PTPRF: variants seen among roughly 807,000 people sequenced by gnomAD.
PTPRF encodes protein tyrosine phosphatase receptor type F, also known as receptor-type tyrosine-protein phosphatase F.
In PTPRF, 59 loss-of-function variants were observed where a neutral mutation model predicts 201.8. The observed-to-expected ratio is 0.29, with a 90% confidence interval of 0.24 to 0.36. PTPRF has a LOEUF of 0.36. Ranked by LOEUF, PTPRF falls within the 10% of genes least tolerant of loss-of-function variation. PTPRF has a pLI of 1.00. For synonymous variants in PTPRF, 1,088 were observed against 1,089.7 expected (o/e 1.00, Z 0.03); for missense variants, 2,132 against 2,690.5 (o/e 0.79, Z 4.59).
At chr1:43,576,017 C>T in intron 6 of PTPRF, 5 of 1,238,012 alleles carry the variant, frequency 4.0e-6, no homozygotes, top group Non-Finnish European at 4.3e-6. Flanking sequence ...ACCTCCCCAT[C>T]CCCATCCCAA....
Position 43,609,312 on chromosome 1 carries a change from C to T in PTPRF, c.3858-71C>T, listed in dbSNP as rs180701935. ...CGTGGACATGGGGGCTCCTTGGCAG[C>T]CAGCCATGCCATGTGTCACTGTCTC... On this transcript the variant is annotated intron_variant, in intron 21 of 33. Coordinates refer to ENST00000359947, the MANE Select transcript of PTPRF (RefSeq NM_002840.5). 63 of 1,278,326 alleles carry T rather than the reference C, an allele frequency of 4.9e-5. No individual in the cohort carries two copies. In the African/African-American group the frequency reaches 8.6e-4, roughly 18 times the overall value. The allele number at this position is 1,278,326 out of a possible 1,614,324, so 79.2% of individuals were successfully genotyped here. A position where few individuals can be genotyped will look rare whatever the true frequency, so the allele number is the denominator to read the frequency against.
chr1:43,579,037 T>C, intron 7 of PTPRF, 117 bp downstream of exon 7: 1 of 905,458 alleles, frequency 1.1e-6, no homozygotes, highest in Admixed American at 2.0e-5. Flanking sequence ...GCCCAGTCTC[T>C]TCTCCTTCCT....
At position 43,617,786 on chromosome 1, in the gene PTPRF, A is replaced by G. The variant is rs1431134339; in HGVS notation, c.4246A>G (p.Lys1416Glu). The G allele has an allele frequency of 1.2e-6, 2 of 1,613,982 alleles. No homozygotes were observed. Among genetic ancestry groups the G allele is most frequent in the Non-Finnish European group, 1.7e-6 (2 of 1,180,016 alleles). Residue 1416 changes from lysine to glutamate, a missense_variant, in exon 25 of 34, where the codon AAG becomes GAG. Lys to Glu is a moderately conservative substitution (Grantham distance 56, BLOSUM62 1). Transcript: ENST00000359947. ...TGCCAACTACATCGATGGCTACCGC[A>G]AGCAGAATGCCTACATCGCCACGCA... is the stretch of plus-strand genomic sequence containing the variant. ...INANYIDGYR[K>E]QNAYIATQGP...
chr1:43,597,078 C>T (rs1158806951), intron 11 of PTPRF, among the ~76,000 whole-genome samples: 5 of 150,516 alleles, frequency 3.3e-5, no homozygotes, highest in Non-Finnish European at 7.4e-5. Context: ...TGTGAGACAC[C>T]ATGAGAGACT....
chr1:43,548,327 GGGGTGGGTGGC>G (rs1248539057), intron 3 of PTPRF, among the ~76,000 whole-genome samples: 2 of 152,122 alleles, frequency 1.3e-5, no homozygotes, highest in East Asian at 1.9e-4. Context: ...GCTGGCTGGA[GGGGTGGGTGGC>G]GGGTGGGTTG....
chr1:43,621,967 GGA>G lies in PTPRF; in HGVS notation c.5690_5691del (p.Glu1897ValfsTer6). 1 of 1,614,146 alleles carries G rather than the reference GGA, an allele frequency of 6.2e-7. No homozygotes were observed. The highest frequency in any genetic ancestry group is 8.5e-7 in the Non-Finnish European group (1 of 1,180,020). On this transcript the variant is annotated frameshift_variant, in exon 34 of 34. Transcript: ENST00000359947. LOFTEE classifies it high-confidence loss of function. Reference sequence around the variant, plus strand: ...ATCAGCTGTGCTACCGTGCGGCCCTGGAGTACCTCGGCAGCTTTGACCACTAT... The same window carrying G: ...ATCAGCTGTGCTACCGTGCGGCCCTGGTACCTCGGCAGCTTTGACCACTAT... Reference protein sequence around the residue: ...QYQLCYRAALEYLGSFDHYAT With the variant: ...QYQLCYRAALXYLGSFDHYAT
chr1:43,547,026 A>T (rs1218980005), intron 3 of PTPRF, among the ~76,000 whole-genome samples: 2 of 152,132 alleles, frequency 1.3e-5, no homozygotes, highest in African/African-American at 4.8e-5. Flanking sequence ...CTGCATTCCA[A>T]AGGTAGAGTC....
upstream of PTPRF, among the ~76,000 whole-genome samples, chr1:43,526,596 A>G (rs2153942780): frequency 6.6e-6 from 1 of 152,208 alleles, no homozygotes; most frequent in Non-Finnish European, 1.5e-5. Flanking sequence ...TGGGGAATTG[A>G]TGCTTTGGCA....
rs1047733979 is a variant in PTPRF at position 43,580,166 on chromosome 1, G to A, written c.679+1246G>A. On this transcript the variant is annotated intron_variant, in intron 7 of 33. Transcript: ENST00000359947. Reference sequence around the variant, plus strand: ...TTCCATCACGCCAAGTGCTTAGCGCGGCTTCCTGAGGGGTGTCGTCTGACT... The same window carrying A: ...TTCCATCACGCCAAGTGCTTAGCGCAGCTTCCTGAGGGGTGTCGTCTGACT... 6 of 152,098 alleles carry A rather than the reference G, an allele frequency of 3.9e-5. No homozygotes were observed. The East Asian group carries it at 5.8e-4, about 15-fold the overall frequency. The allele number at this position is 152,098 out of a possible 1,614,324, so 9.4% of individuals were successfully genotyped here. A position where few individuals can be genotyped will look rare whatever the true frequency, so the allele number is the denominator to read the frequency against.
chr1:43,595,677 T>C (rs1173109745), intron 11 of PTPRF, among the ~76,000 whole-genome samples: 1 of 152,084 alleles, frequency 6.6e-6, no homozygotes, highest in Non-Finnish European at 1.5e-5. Flanking sequence ...GAGCTTAGCC[T>C]TGGACAGGGT....
At position 43,620,558 on chromosome 1, in the gene PTPRF, G is replaced by C; in HGVS notation, c.5343G>C (p.Glu1781Asp). The C allele has an allele frequency of 6.2e-7, 1 of 1,614,146 alleles. No homozygotes were observed. Among genetic ancestry groups the C allele is most frequent in the Non-Finnish European group, 8.5e-7 (1 of 1,179,982 alleles). The change falls in exon 31 of 34, where the codon GAG (glutamate) becomes GAC (aspartate). Residue 1781 changes from glutamate to aspartate, a missense_variant. By Grantham distance (45) the Glu-to-Asp change is conservative. Around this residue, in one of 6 missense-constraint regions of PTPRF, gnomAD observed 519 missense variants for 659.5 expected, o/e 0.79. Transcript: ENST00000359947. The stretch of plus-strand genomic sequence containing the variant: ...ACATGCCCCAGTATATCCTGCGTGA[G>C]TTCAAGGTCACGGATGCCCGGGTGA... The part of the protein sequence containing the change: ...EYNMPQYILR[E>D]FKVTDARDGQ...
At chr1:43,528,800 A>G (rs1448042307), upstream of PTPRF, 1 of 152,172 alleles carries the variant, frequency 6.6e-6, no homozygotes, top group Non-Finnish European at 1.5e-5. Flanking sequence ...GCTCTTAGTT[A>G]TATGGATCTG....
intron 6 of PTPRF, among the ~76,000 whole-genome samples, chr1:43,576,889 G>A (rs1412509892): frequency 1.3e-5 from 2 of 152,180 alleles, no homozygotes; most frequent in African/African-American, 4.8e-5. Context: ...GCCTTCCTGG[G>A]TGCTATCTTG....
chr1:43,561,023 G>C (rs1363747438), intron 5 of PTPRF, among the ~76,000 whole-genome samples: 2 of 152,170 alleles, frequency 1.3e-5, no homozygotes, highest in African/African-American at 2.4e-5. Context: ...TGACCAGGGT[G>C]GGGGCTAATC....
At chr1:43,582,980 G>A in intron 7 of PTPRF, 1 of 809,106 alleles carries the variant, frequency 1.2e-6, no homozygotes. Context: ...GGCAGATGAA[G>A]GTTGGCCTGT....
chr1:43,588,461 T>G lies in PTPRF; in HGVS notation c.680-270T>G, dbSNP rs1570362691. Among the ~76,000 whole-genome samples, 1 of 152,160 alleles carries G rather than the reference T, an allele frequency of 6.6e-6. No individual in the cohort carries two copies. The highest frequency in any genetic ancestry group is 1.9e-4 in the East Asian group (1 of 5,174). On this transcript the variant is annotated intron_variant, in intron 7 of 33. Coordinates refer to ENST00000359947, the MANE Select transcript of PTPRF (RefSeq NM_002840.5). The surrounding 1 kb of genome is among the most constrained non-coding windows in gnomAD (Gnocchi z 5.3). ...ACCTTCCTGACAGGCCTCAGTTTCC[T>G]AGGCTATAAAATGGGAGCTTGGTTG...
rs756740578 is a variant in PTPRF, at chr1:43,618,623, C to T, written c.4372-7C>T. The T allele has an allele frequency of 7.0e-5, 112 of 1,591,994 alleles. 1 individual carries two copies. In the Admixed American group the frequency reaches 9.4e-4, roughly 13 times the overall value. On this transcript the variant is annotated splice_polypyrimidine_tract_variant and splice_region_variant and intron_variant, in intron 25 of 33. Coordinates refer to ENST00000359947, the MANE Select transcript of PTPRF (RefSeq NM_002840.5). ...TCCTTCAGCCTGCCCTGCTCATCCT[C>T]CTGCAGGTAAAATGTGATCAGTACT...
rs746411435 is a variant in PTPRF at position 43,620,980 on chromosome 1, C to T, written c.5507C>T (p.Thr1836Met). ...KEQFGQDGPI[T>M]VHCSAGVGRT... ...CAGTTTGGACAGGATGGGCCTATCACGGTGCACTGCAGGTGGGACTGGCCC... is the reference window on the plus strand; with the variant it reads ...CAGTTTGGACAGGATGGGCCTATCATGGTGCACTGCAGGTGGGACTGGCCC... The change falls in exon 32 of 34, where the codon ACG becomes ATG. Residue 1836 changes from threonine (T) to methionine (M), a missense_variant. Thr to Met is a moderately conservative substitution (Grantham distance 81). Around this residue, in one of 6 missense-constraint regions of PTPRF, gnomAD observed 519 missense variants for 659.5 expected, o/e 0.79. Transcript: ENST00000359947. 3 of 1,613,266 alleles carry T rather than the reference C, an allele frequency of 1.9e-6. No homozygotes were observed. The highest frequency in any genetic ancestry group is 2.5e-6 in the Non-Finnish European group (3 of 1,179,578).
intron 6 of PTPRF, among the ~76,000 whole-genome samples, chr1:43,574,027 G>A (rs1483506991): frequency 8.8e-6 from 1 of 113,052 alleles, no homozygotes; most frequent in Admixed American, 1.3e-4. Flanking sequence ...ACAGAGTTTC[G>A]CTCTTGGTAC....
Sources: allele counts gnomAD v4.1 joint callset (sites outside exome capture counted in the v4.1 genomes callset), GRCh38; gene constraint gnomAD v4.1.1; regional missense constraint gnomAD v4.1.1; non-coding constraint Gnocchi (gnomAD v3.1); transcripts MANE v1.5; gene names NCBI Gene and HGNC (gene_info 2026-07-23, HGNC 2026-07-21).